NUMB: variants seen among roughly 807,000 people sequenced by gnomAD.
NUMB encodes NUMB endocytic adaptor protein, also known as protein numb homolog.
A neutral mutation model predicts 59.7 loss-of-function variants in NUMB; 29 were observed. That is an observed-to-expected ratio of 0.49 (90% CI 0.36 to 0.66). The LOEUF (loss-of-function observed/expected upper bound fraction) is 0.66. Among genes scored for constraint, NUMB ranks in the 30% least tolerant of loss-of-function variants. NUMB has a pLI of 0.00. For missense variants in NUMB, 723 were observed against 822.0 expected (o/e 0.88, Z 1.47); for synonymous variants, 288 against 288.2 (o/e 1.00, Z 0.01).
intron 1 of NUMB, among the ~76,000 whole-genome samples, chr14:73,455,160 GA>G (rs1009308644): frequency 6.6e-6 from 1 of 152,048 alleles, no homozygotes; most frequent in East Asian, 1.9e-4. Flanking sequence ...TTTTGAGAGA[GA>G]AAAAAATAAA....
In NUMB at chr14:73,411,910, A is replaced by C. The variant is rs1896910068; in HGVS notation, c.-232-1842T>G. On this transcript the variant is annotated intron_variant, in intron 1 of 12. Coordinates refer to ENST00000555238, the MANE Select transcript of NUMB (RefSeq NM_001005743.2). Reference sequence around the variant, plus strand: ...GCTGTTCCTGAATAAGAAGACAAGCAGCAATTAACTTTTTTTTTTTTTTTT... The same window carrying C: ...GCTGTTCCTGAATAAGAAGACAAGCCGCAATTAACTTTTTTTTTTTTTTTT... Among the ~76,000 whole-genome samples, 4 of 148,156 alleles carry C rather than the reference A, an allele frequency of 2.7e-5. No homozygotes were observed. In the Admixed American group the frequency reaches 2.8e-4, roughly 10 times the overall value.
rs749218290 is a variant in NUMB, at chr14:73,343,481, C to A, written c.126+12145G>T. ...CAGGCATTCTTTCAACCAGCTTCCC[C>A]GCTGGAAGAACCTACCTCCCTTGAT... On this transcript the variant is annotated intron_variant, in intron 4 of 12. Coordinates refer to ENST00000555238, the MANE Select transcript of NUMB (RefSeq NM_001005743.2). 3.9e-5 allele frequency among the ~76,000 whole-genome samples: 6 copies of A among 152,172 alleles called. No homozygotes were observed. The East Asian group carries it at 1.2e-3, about 29-fold the overall frequency.
intron 6 of NUMB, among the ~76,000 whole-genome samples, chr14:73,314,114 C>A (rs1367089894): frequency 6.6e-6 from 1 of 152,116 alleles, no homozygotes. Context: ...TAAATTACTA[C>A]TCTATAAAAA....
chr14:73,385,578 G>T (rs999338755), intron 2 of NUMB, among the ~76,000 whole-genome samples: 3 of 136,968 alleles, frequency 2.2e-5, no homozygotes, highest in Non-Finnish European at 3.0e-5. Context: ...CTCAGCTCAC[G>T]GTAACCTCCG....
intron 1 of NUMB, among the ~76,000 whole-genome samples, chr14:73,430,474 G>A (rs1897775685): frequency 6.6e-6 from 1 of 151,794 alleles, no homozygotes; most frequent in African/African-American, 2.4e-5. Context: ...CTATAAAAAA[G>A]GTTTTTTTAA....
At chr14:73,293,511 C>T (rs931082553) in intron 7 of NUMB, among the ~76,000 whole-genome samples, 4 of 151,606 alleles carry the variant, frequency 2.6e-5, no homozygotes, top group African/African-American at 9.7e-5. Context: ...CCTGCCTCAG[C>T]CTCCCAAGCA....
intron 3 of NUMB, among the ~76,000 whole-genome samples, chr14:73,357,897 A>T (rs1594946381): frequency 6.6e-6 from 1 of 151,528 alleles, no homozygotes; most frequent in East Asian, 1.9e-4. Context: ...CCCCAAAAAA[A>T]AAAAAACCCA....
intron 2 of NUMB, among the ~76,000 whole-genome samples, chr14:73,396,848 C>T (rs1004724117): frequency 2.0e-5 from 3 of 152,152 alleles, no homozygotes; most frequent in African/African-American, 4.8e-5. Flanking sequence ...TAGCAGCTGG[C>T]GCAGTGGCTC....
At chr14:73,290,605 C>T (rs1056227191) in intron 8 of NUMB, among the ~76,000 whole-genome samples, 15 of 152,210 alleles carry the variant, frequency 9.9e-5, no homozygotes, top group East Asian at 1.9e-4. Flanking sequence ...CCAGATTAAA[C>T]GTTGGCAAGA....
chr14:73,299,522 A>C (rs1204244464), intron 6 of NUMB: 3 of 148,640 alleles, frequency 2.0e-5, no homozygotes, highest in Admixed American at 6.8e-5. Context: ...TTCTTAAAAT[A>C]GATAATATGT....
At chr14:73,366,398 A>G (rs1894346157) in intron 3 of NUMB, among the ~76,000 whole-genome samples, 1 of 152,208 alleles carries the variant, frequency 6.6e-6, no homozygotes, top group Non-Finnish European at 1.5e-5. Context: ...CTAATACAGA[A>G]TTAGATATTA....
chr14:73,342,861 T>C (rs1292937120), intron 4 of NUMB, among the ~76,000 whole-genome samples: 3 of 152,162 alleles, frequency 2.0e-5, no homozygotes, highest in Non-Finnish European at 4.4e-5. Context: ...TTTGTTTGCT[T>C]TGAGACAGGT....
rs60134093 is a variant in NUMB, at chr14:73,352,459, TACACACAC to T, written c.126+3159_126+3166del. ...ACACACACACACACACACACACACA[TACACACAC>T]ACACACACACATATATATATATATA... On this transcript the variant is annotated intron_variant, in intron 4 of 12. Coordinates refer to ENST00000555238, the MANE Select transcript of NUMB (RefSeq NM_001005743.2). Among the ~76,000 whole-genome samples, 12 of 19,498 alleles carry T rather than the reference TACACACAC, an allele frequency of 6.2e-4. No homozygotes were observed. In the South Asian group the frequency reaches 7.7e-3, roughly 12 times the overall value. 12.8% of individuals were successfully genotyped at this position (19,498 alleles called of 152,430 possible).
rs543090115 is a variant in NUMB, at chr14:73,352,100, G to A, written c.126+3526C>T. ...AACACACGATTTAATGGCTTCCCAC[G>A]TACAAAATCCTTAGTATGGATACAA... On this transcript the variant is annotated intron_variant, in intron 4 of 12. Coordinates refer to ENST00000555238, the MANE Select transcript of NUMB (RefSeq NM_001005743.2). Among the ~76,000 whole-genome samples, 10 of 151,842 alleles carry A rather than the reference G, an allele frequency of 6.6e-5. No homozygotes were observed. In the East Asian group the frequency reaches 1.4e-3, roughly 21 times the overall value.
intron 6 of NUMB, among the ~76,000 whole-genome samples, chr14:73,314,342 T>C (rs1180986840): frequency 6.6e-6 from 1 of 152,208 alleles, no homozygotes; most frequent in African/African-American, 2.4e-5. Context: ...TGCAAACCTC[T>C]GTTTTCTCAC....
At chr14:73,443,595 C>CA (rs553400027) in intron 1 of NUMB, among the ~76,000 whole-genome samples, 6,659 of 76,664 alleles carry the variant, frequency 0.087, 509 homozygotes, top group African/African-American at 0.25. Flanking sequence ...AACTCCATCT[C>CA]AAAAAAAAAA....
chr14:73,326,222 G>A (rs1389139854), intron 4 of NUMB, among the ~76,000 whole-genome samples: 1 of 152,188 alleles, frequency 6.6e-6, no homozygotes, highest in African/African-American at 2.4e-5. Context: ...TTTGACAGCT[G>A]AACTAATATA....
chr14:73,378,155 G>T (rs1895060586), intron 2 of NUMB, among the ~76,000 whole-genome samples: 2 of 152,168 alleles, frequency 1.3e-5, no homozygotes, highest in Middle Eastern at 3.4e-3. Context: ...CATATGAAAA[G>T]AAATTATCAT....
chr14:73,359,047 G>T (rs1236879784), intron 3 of NUMB, among the ~76,000 whole-genome samples: 3 of 152,194 alleles, frequency 2.0e-5, no homozygotes, highest in Non-Finnish European at 4.4e-5. Context: ...TCTTTGGGCA[G>T]CTATTTATTG....
Sources: gnomAD v4.1 joint callset for allele counts (sites outside exome capture counted in the v4.1 genomes callset) on GRCh38, gnomAD v4.1.1 for gene constraint, MANE v1.5 for transcripts, NCBI Gene and HGNC (gene_info 2026-07-23, HGNC 2026-07-21) for gene names.